CEP85: variants seen among roughly 807,000 people sequenced by gnomAD.
The protein encoded by CEP85 is centrosomal protein 85, also known as centrosomal protein of 85 kDa.
CEP85 carries 58 observed loss-of-function variants against 93.7 expected under a neutral mutation model. The ratio of observed to expected loss-of-function variants is 0.62; its 90% CI spans 0.50 to 0.77. The LOEUF (loss-of-function observed/expected upper bound fraction) is 0.77, where lower values mean the gene tolerates loss of function less well. Among genes scored for constraint, CEP85 ranks in the 30% least tolerant of loss-of-function variants. The pLI is 0.00. For synonymous variants in CEP85, 314 were observed against 338.6 expected (o/e 0.93, Z 0.80); for missense variants, 868 against 922.0 (o/e 0.94, Z 0.76).
chr1:26,254,154 T>C (rs2089660450), intron 3 of CEP85, among the ~76,000 whole-genome samples: 1 of 152,170 alleles, frequency 6.6e-6, no homozygotes, highest in Non-Finnish European at 1.5e-5. Context: ...GTGGTAGATA[T>C]GCTTGATTTG....
chr1:26,270,953 C>T, intron 9 of CEP85, 61 bp from the exon 10 acceptor site: 2 of 1,029,664 alleles, frequency 1.9e-6, no homozygotes, highest in South Asian at 2.6e-5. Flanking sequence ...AGTAGCAGAA[C>T]CAAGAATCAA....
At chr1:26,261,546 C>T (rs964909682) in intron 7 of CEP85, among the ~76,000 whole-genome samples, 5 of 151,678 alleles carry the variant, frequency 3.3e-5, no homozygotes, top group African/African-American at 9.7e-5. Context: ...TAATTAAATA[C>T]CAATAGATTT....
At chr1:26,236,183 T>C (rs1191807854) in intron 1 of CEP85, among the ~76,000 whole-genome samples, 2 of 152,326 alleles carry the variant, frequency 1.3e-5, no homozygotes, top group African/African-American at 4.8e-5. Context: ...TTCACTACTG[T>C]AAACCTTTAT....
Position 26,278,701 on chromosome 1 carries a change from G to A in CEP85, c.*1408G>A, listed in dbSNP as rs914365562. On this transcript the variant is annotated 3_prime_UTR_variant, in exon 14 of 14. Transcript: ENST00000451429. Reference sequence around the variant, plus strand: ...TTGGGAGCCCAGCCACCATGCTGACGGGTATTTTTCCTCATAAAGTTTATA... The same window carrying A: ...TTGGGAGCCCAGCCACCATGCTGACAGGTATTTTTCCTCATAAAGTTTATA... 2 of 152,602 alleles carry A rather than the reference G, an allele frequency of 1.3e-5. No homozygotes were observed. The highest frequency in any genetic ancestry group is 4.8e-5 in the African/African-American group (2 of 41,426). The allele number at this position is 152,602 out of a possible 1,614,324, so 9.5% of individuals were successfully genotyped here.
intron 8 of CEP85, 100 bp from the exon 9 acceptor site, chr1:26,269,360 T>C (rs1393007385): frequency 8.3e-7 from 1 of 1,204,998 alleles, no homozygotes; most frequent in Non-Finnish European, 1.2e-6. Context: ...GGAAATTAAA[T>C]ATAGGTTTGA....
At chr1:26,272,296 G>A in intron 11 of CEP85, 1 of 538,362 alleles carries the variant, frequency 1.9e-6, no homozygotes, top group Non-Finnish European at 3.3e-6. Flanking sequence ...CTGGGGGAGT[G>A]CAGGAGAGTC....
At chr1:26,262,184 A>G (rs182320589) in intron 7 of CEP85, among the ~76,000 whole-genome samples, 19 of 152,194 alleles carry the variant, frequency 1.2e-4, no homozygotes, top group Non-Finnish European at 2.4e-4. Context: ...GCGCACGCCT[A>G]TAGTCCCAGC....
rs757082498 is a variant in CEP85 at position 26,269,423 on chromosome 1, G to A, written c.1495-37G>A. On this transcript the variant is annotated intron_variant, in intron 8 of 13. Transcript: ENST00000451429. ...CAAGCATTTTGCATTTATAACACTT[G>A]GCTTATTTGACCTAAACATGGGATC... The A allele has an allele frequency of 6.2e-6, 10 of 1,603,036 alleles. No homozygotes were observed. The South Asian group carries it at 1.1e-4, about 18-fold the overall frequency.
intron 1 of CEP85, among the ~76,000 whole-genome samples, chr1:26,238,919 G>A (rs2089373688): frequency 6.6e-6 from 1 of 152,194 alleles, no homozygotes; most frequent in African/African-American, 2.4e-5. Context: ...CAGGATTGGA[G>A]TTCTACTTAT....
intron 3 of CEP85, among the ~76,000 whole-genome samples, chr1:26,250,031 C>G (rs2089579261): frequency 1.3e-5 from 2 of 152,124 alleles, no homozygotes; most frequent in Non-Finnish European, 2.9e-5. Context: ...CAGAGATGCA[C>G]CACCTGCCTG....
At chr1:26,234,490 C>G (rs907324103) in intron 1 of CEP85, among the ~76,000 whole-genome samples, 180 bp downstream of exon 1, 1 of 152,228 alleles carries the variant, frequency 6.6e-6, no homozygotes, top group Admixed American at 6.5e-5. Context: ...GTCCCATTCC[C>G]CTCGCTTCCC....
chr1:26,266,591 A>C (rs529356990), intron 7 of CEP85, among the ~76,000 whole-genome samples: 1 of 152,260 alleles, frequency 6.6e-6, no homozygotes, highest in Non-Finnish European at 1.5e-5. Context: ...GAAATTTAAG[A>C]GTACAGATTG....
At chr1:26,247,808 GTTTGTTTTGTTTTGT>G (rs569238071) in intron 3 of CEP85, among the ~76,000 whole-genome samples, 1 of 151,874 alleles carries the variant, frequency 6.6e-6, no homozygotes, top group East Asian at 1.9e-4. Flanking sequence ...CACTCAGCCA[GTTTGTTTTGTTTTGT>G]TTTGTTTTGT....
At chr1:26,239,690 T>A in intron 1 of CEP85, 72 bp from the exon 2 acceptor site, 1 of 946,804 alleles carries the variant, frequency 1.1e-6, no homozygotes, top group Non-Finnish European at 1.7e-6. Flanking sequence ...ACAGTTTCAG[T>A]TGAATGGGAA....
chr1:26,253,682 G>T (rs910532020), intron 3 of CEP85, among the ~76,000 whole-genome samples: 1 of 151,622 alleles, frequency 6.6e-6, no homozygotes, highest in Non-Finnish European at 1.5e-5. Flanking sequence ...GAGCCACTGC[G>T]CCCGGCCTCA....
chr1:26,270,396 T>C (rs943935848), intron 9 of CEP85, among the ~76,000 whole-genome samples: 1 of 152,210 alleles, frequency 6.6e-6, no homozygotes, highest in Non-Finnish European at 1.5e-5. Context: ...TAATGTACTC[T>C]CAGGATGTCT....
At chr1:26,269,879 C>G (rs1311173015) in intron 9 of CEP85, among the ~76,000 whole-genome samples, 1 of 149,042 alleles carries the variant, frequency 6.7e-6, no homozygotes, top group Non-Finnish European at 1.5e-5. Context: ...CTCCGCCTCC[C>G]AGGTTCACAC....
Position 26,259,894 on chromosome 1 carries a change from G to C in CEP85, c.1341+92G>C, listed in dbSNP as rs138848686. On this transcript the variant is annotated intron_variant, in intron 7 of 13. Transcript: ENST00000451429. ...TAAGCTGTTTCTGGCCTGGAACTAA[G>C]AGGAGACAATTGGGTGAGATCCTCC... 528 of 1,055,756 alleles carry C rather than the reference G, an allele frequency of 5.0e-4. 1 individual carries two copies. In the African/African-American group the frequency reaches 6.3e-3, roughly 13 times the overall value. The allele number at this position is 1,055,756 out of a possible 1,614,324, so 65.4% of individuals were successfully genotyped here.
chr1:26,235,122 A>G (rs1190999756), intron 1 of CEP85, among the ~76,000 whole-genome samples: 2 of 152,240 alleles, frequency 1.3e-5, no homozygotes, highest in African/African-American at 2.4e-5. Context: ...CAGTATATTC[A>G]ACGCTTACTT....
Sources: gnomAD v4.1 joint callset for allele counts (sites outside exome capture counted in the v4.1 genomes callset) on GRCh38, gnomAD v4.1.1 for gene constraint, MANE v1.5 for transcripts, NCBI Gene and HGNC (gene_info 2026-07-23, HGNC 2026-07-21) for gene names.